Variants in FGD6 observed in about 807,000 individuals in gnomAD.
FGD6 encodes FYVE, RhoGEF and PH domain-containing protein 6.
In FGD6, 90 loss-of-function variants were observed where a neutral mutation model predicts 149.4. The ratio of observed to expected loss-of-function variants is 0.60; its 90% CI spans 0.51 to 0.72. The LOEUF (loss-of-function observed/expected upper bound fraction) is 0.72. Ranked by LOEUF, FGD6 falls within the 30% of genes least tolerant of loss-of-function variation. FGD6 has a pLI of 0.00. For missense variants in FGD6, 1,437 were observed against 1,684.8 expected, an observed-to-expected ratio of 0.85 and a Z score of 2.57; for synonymous variants, 527 against 584.0, an observed-to-expected ratio of 0.90 and a Z score of 1.41.
chr12:95,215,532 A>G (rs1453390644), intron 1 of FGD6, among the ~76,000 whole-genome samples: 2 of 152,240 alleles, frequency 1.3e-5, no homozygotes, highest in Non-Finnish European at 2.9e-5. Flanking sequence ...GATAAATCCA[A>G]CAGATGGGTG....
At chr12:95,112,952 T>C (rs1033427945) in intron 9 of FGD6, among the ~76,000 whole-genome samples, 8 of 152,326 alleles carry the variant, frequency 5.3e-5, no homozygotes, top group East Asian at 1.9e-4. Context: ...CTTGAGGACC[T>C]TGCAGATCTG....
At chr12:95,198,432 A>T (rs1040707426) in intron 2 of FGD6, among the ~76,000 whole-genome samples, 2 of 151,942 alleles carry the variant, frequency 1.3e-5, no homozygotes, top group African/African-American at 4.8e-5. Flanking sequence ...AATCCAAGCG[A>T]TTACTATTTT....
At chr12:95,150,022 ACACAC>A (rs1880255603) in intron 5 of FGD6, among the ~76,000 whole-genome samples, 1 of 118,906 alleles carries the variant, frequency 8.4e-6, no homozygotes, top group African/African-American at 3.0e-5. Flanking sequence ...ACACACACAC[ACACAC>A]ACACACTTTT....
intron 2 of FGD6, among the ~76,000 whole-genome samples, chr12:95,207,610 G>A (rs2056699702): frequency 6.6e-6 from 1 of 152,106 alleles, no homozygotes; most frequent in African/African-American, 2.4e-5. Context: ...TGCTCTCTTG[G>A]CCTATTTTCA....
At chr12:95,154,059 G>A (rs550244100) in intron 3 of FGD6, among the ~76,000 whole-genome samples, 1 of 151,864 alleles carries the variant, frequency 6.6e-6, no homozygotes, top group African/African-American at 2.4e-5. Context: ...TCCGGGGTTC[G>A]AGAGATTCTC....
chr12:95,151,528 A>G (rs1880308952), intron 5 of FGD6, among the ~76,000 whole-genome samples: 1 of 152,102 alleles, frequency 6.6e-6, no homozygotes, highest in Non-Finnish European at 1.5e-5. Flanking sequence ...TCAGCCTCCC[A>G]CAGTGCTGGG....
intron 2 of FGD6, among the ~76,000 whole-genome samples, chr12:95,176,320 C>G (rs1881131325): frequency 6.6e-6 from 1 of 152,222 alleles, no homozygotes; most frequent in Non-Finnish European, 1.5e-5. Context: ...TTCCTTCCCA[C>G]TGTCCGAATG....
In FGD6 at chr12:95,172,555, C is replaced by T. The variant is rs755893424; in HGVS notation, c.2586+45G>A. On this transcript the variant is annotated intron_variant, in intron 3 of 20. Transcript: ENST00000343958. ...CTATTATGCAGACAAATATCATTCCCAAGCATAGGGAGAGGTCAAGAAGCA... is the reference window on the plus strand; with the variant it reads ...CTATTATGCAGACAAATATCATTCCTAAGCATAGGGAGAGGTCAAGAAGCA... 20 of 1,482,062 alleles carry T rather than the reference C, an allele frequency of 1.3e-5. No individual in the cohort carries two copies. The East Asian group carries it at 4.3e-4, about 32-fold the overall frequency. The allele number at this position is 1,482,062 out of a possible 1,614,324, so 91.8% of individuals were successfully genotyped here.
intron 8 of FGD6, among the ~76,000 whole-genome samples, chr12:95,130,292 G>A (rs565548140): frequency 6.6e-6 from 1 of 152,066 alleles, no homozygotes; most frequent in Non-Finnish European, 1.5e-5. Flanking sequence ...TATCATCTAT[G>A]CATATCTCAG....
chr12:95,186,225 CTTCTTTTTT>C lies in FGD6; in HGVS notation c.2442-13490_2442-13482del, dbSNP rs1881429071. On this transcript the variant is annotated intron_variant, in intron 2 of 20. Coordinates refer to ENST00000343958, the MANE Select transcript of FGD6 (RefSeq NM_018351.4). ...AGCTAAGAATGCTTCTTATATTCTT[CTTCTTTTTT>C]TTTTTTTTTTTTTTTTTTTTTTTTT... Among the ~76,000 whole-genome samples, 2 of 71,186 alleles carry C rather than the reference CTTCTTTTTT, an allele frequency of 2.8e-5. 1 individual carries two copies. Among genetic ancestry groups the C allele is most frequent in the African/African-American group, 1.1e-4 (2 of 18,656 alleles). 46.7% of individuals were successfully genotyped at this position (71,186 alleles called of 152,430 possible).
chr12:95,083,030 T>TACACACACACACACACAC (rs1555215606), intron 20 of FGD6, among the ~76,000 whole-genome samples: 12 of 56,592 alleles, frequency 2.1e-4, no homozygotes, highest in African/African-American at 9.7e-4. Flanking sequence ...TATATATATA[T>TACACACACACACACACAC]ACACACACAT....
In FGD6 at chr12:95,209,547, G is replaced by T; in HGVS notation, c.1737C>A (p.Asn579Lys). 1 of 1,614,048 alleles carries T rather than the reference G, an allele frequency of 6.2e-7. No homozygotes were observed. The highest frequency in any genetic ancestry group is 8.5e-7 in the Non-Finnish European group (1 of 1,180,004). Residue 579 changes from asparagine (N) to lysine (K), a missense_variant, in exon 2 of 21, where the codon AAC (asparagine) becomes AAA (lysine). Coordinates refer to ENST00000343958, the MANE Select transcript of FGD6 (RefSeq NM_018351.4). ...CGGTGACAGACTTTAAGAATTCTGG[G>T]TTCCCTGAAAAGGGTAAAATAGGAT... ...LPHPILPFSG[N>K]PEFLKSVTVS...
At chr12:95,126,027 C>A (rs1879329051) in intron 8 of FGD6, 3 of 1,323,144 alleles carry the variant, frequency 2.3e-6, no homozygotes, top group Admixed American at 3.4e-5. Flanking sequence ...GGCAGCCACA[C>A]AATGGGCCAG....
intron 3 of FGD6, among the ~76,000 whole-genome samples, chr12:95,160,341 C>A (rs1260738251): frequency 6.6e-6 from 1 of 152,120 alleles, no homozygotes; most frequent in Non-Finnish European, 1.5e-5. Flanking sequence ...CACACCCACA[C>A]AATGGCTATA....
intron 7 of FGD6, among the ~76,000 whole-genome samples, chr12:95,135,368 A>G (rs1879637446): frequency 6.6e-6 from 1 of 152,228 alleles, no homozygotes; most frequent in Non-Finnish European, 1.5e-5. Flanking sequence ...TTCTTTAAGA[A>G]GTCTGAAGAA....
chr12:95,135,383 A>C (rs1485699304), intron 7 of FGD6, among the ~76,000 whole-genome samples: 2 of 152,200 alleles, frequency 1.3e-5, no homozygotes, highest in Non-Finnish European at 2.9e-5. Flanking sequence ...GAAGAATGTA[A>C]AAGTCTTTTG....
intron 8 of FGD6, among the ~76,000 whole-genome samples, chr12:95,114,443 TACACACACAC>T (rs60238488): frequency 0.046 from 5,729 of 125,394 alleles, 168 homozygotes; most frequent in African/African-American, 0.074. Flanking sequence ...CCATCTCTAC[TACACACACAC>T]ACACACACAC....
intron 1 of FGD6, among the ~76,000 whole-genome samples, chr12:95,215,005 C>T (rs1372941751): frequency 4.6e-5 from 7 of 151,758 alleles, no homozygotes; most frequent in African/African-American, 7.3e-5. Context: ...GGACTACAGG[C>T]GCACCCCACC....
intron 5 of FGD6, among the ~76,000 whole-genome samples, chr12:95,147,111 T>C (rs1316421319): frequency 6.6e-6 from 1 of 152,056 alleles, no homozygotes; most frequent in Non-Finnish European, 1.5e-5. Context: ...CCCTACAAGG[T>C]TCCCTGTCCT....
Sources: gnomAD v4.1 joint callset for allele counts (sites outside exome capture counted in the v4.1 genomes callset) on GRCh38, gnomAD v4.1.1 for gene constraint, MANE v1.5 for transcripts, NCBI Gene and HGNC (gene_info 2026-07-23, HGNC 2026-07-21) for gene names.